The following WNK3 variants were observed in gnomAD, a reference collection of about 807,000 sequenced individuals.
WNK3 encodes the protein serine/threonine-protein kinase WNK3.
A neutral mutation model predicts 116.7 loss-of-function variants in WNK3; 18 were observed. That is an observed-to-expected ratio of 0.15 (90% CI 0.11 to 0.23). The LOEUF (loss-of-function observed/expected upper bound fraction) is 0.23, where lower values mean the gene tolerates loss of function less well. WNK3 is among the 10% of genes least tolerant of loss of function. The pLI is 1.00. For missense variants in WNK3, 993 were observed against 1,323.8 expected, an observed-to-expected ratio of 0.75 and a Z score of 3.88; for synonymous variants, 404 against 469.4, an observed-to-expected ratio of 0.86 and a Z score of 1.80.
At chrX:54,341,905 T>C (rs1040796274) in intron 1 of WNK3, among the ~76,000 whole-genome samples, 1 of 112,041 alleles carries the variant, frequency 8.9e-6, no homozygotes, top group African/African-American at 3.2e-5. Context: ...CTGAAAATCA[T>C]TGACTTTTAT....
chrX:54,213,985 AT>A (rs1265800004), intron 22 of WNK3, among the ~76,000 whole-genome samples: 1 of 109,810 alleles, frequency 9.1e-6, no homozygotes, highest in Non-Finnish European at 1.9e-5. Context: ...TGAAAAAAAA[AT>A]TTTTTTTTGA....
intron 20 of WNK3, among the ~76,000 whole-genome samples, chrX:54,233,962 G>A (rs782123411): frequency 1.9e-3 from 209 of 107,583 alleles, no homozygotes; most frequent in African/African-American, 7.1e-3. Flanking sequence ...CTGGGTGACA[G>A]AGCAAGACCT....
chrX:54,239,217 A>C (rs1603379413), intron 17 of WNK3, 118 bp from the exon 18 acceptor site: 8 of 532,879 alleles, frequency 1.5e-5, no homozygotes, highest in Middle Eastern at 6.0e-4. Context: ...AAAAAAAAAA[A>C]ACGGAATTTC....
intron 10 of WNK3, among the ~76,000 whole-genome samples, chrX:54,279,019 G>T (rs1294968563): frequency 7.2e-5 from 8 of 111,218 alleles, no homozygotes; most frequent in African/African-American, 2.6e-4. Context: ...AGTGAGCCAA[G>T]ATCGCGCCAT....
intron 10 of WNK3, among the ~76,000 whole-genome samples, chrX:54,260,203 A>C (rs1557156412): frequency 8.9e-6 from 1 of 111,976 alleles, no homozygotes; most frequent in African/African-American, 3.2e-5. Context: ...TCATCATTCT[A>C]ATCAACCCAT....
chrX:54,282,231 G>A (rs2068525163), intron 10 of WNK3, among the ~76,000 whole-genome samples: 2 of 109,317 alleles, frequency 1.8e-5, no homozygotes, highest in South Asian at 4.0e-4. Flanking sequence ...TTGTAGAGAC[G>A]AGGAGGTCTC....
At chrX:54,327,064 A>G (rs781948540) in intron 2 of WNK3, among the ~76,000 whole-genome samples, 58 of 111,893 alleles carry the variant, frequency 5.2e-4, no homozygotes, top group Non-Finnish European at 9.6e-4. Context: ...TCTTAAAAAA[A>G]TCAAGTTATG....
intron 1 of WNK3, chrX:54,343,593 A>AG (rs1326076214): frequency 9.0e-6 from 1 of 111,318 alleles, no homozygotes; most frequent in African/African-American, 3.3e-5. Context: ...GATACAGAGA[A>AG]GATTAGCACG....
At chrX:54,213,049 CTG>C (rs1326691725) in intron 22 of WNK3, among the ~76,000 whole-genome samples, 1 of 110,498 alleles carries the variant, frequency 9.0e-6, no homozygotes. Flanking sequence ...ATAACAATAA[CTG>C]TTCACTGAAG....
intron 22 of WNK3, among the ~76,000 whole-genome samples, chrX:54,222,917 TA>T (rs1189480110): frequency 8.6e-5 from 7 of 81,178 alleles, no homozygotes; most frequent in African/African-American, 3.4e-4. Flanking sequence ...ATAATAATAA[TA>T]TATATATATA....
intron 20 of WNK3, among the ~76,000 whole-genome samples, chrX:54,235,925 A>G (rs2067956022): frequency 9.0e-6 from 1 of 111,724 alleles, no homozygotes; most frequent in Non-Finnish European, 1.9e-5. Context: ...TGAAATATGC[A>G]TATTTGTTTG....
exon 24 of WNK3, chrX:54,194,801 C>T (rs1387319738): frequency 1.8e-5 from 2 of 111,633 alleles, no homozygotes; most frequent in African/African-American, 6.5e-5. Flanking sequence ...GCACTGAAAA[C>T]GAGGTAGTTA....
chrX:54,357,500 T>C (rs913360000), intron 1 of WNK3, among the ~76,000 whole-genome samples, 186 bp downstream of exon 1: 13 of 111,366 alleles, frequency 1.2e-4, no homozygotes, highest in Non-Finnish European at 2.1e-4. Flanking sequence ...CGGTACCGAC[T>C]GGTGAAGGCA....
In WNK3 at chrX:54,253,984, G is replaced by A. The variant is rs372610914; in HGVS notation, c.2342C>T (p.Ala781Val). The change falls in exon 13 of 24, where the codon GCG becomes GTG. Residue 781 changes from alanine to valine, a missense_variant. Transcript: ENST00000354646. ...CATATAGTCTGCAATATCCTCTGGCGCATCACCATCAACATCAAACTTGAA... is the reference window on the plus strand; with the variant it reads ...CATATAGTCTGCAATATCCTCTGGCACATCACCATCAACATCAAACTTGAA... 3.2e-5 allele frequency: 39 copies of A among 1,203,307 alleles called. No homozygotes were observed. Among genetic ancestry groups the A allele is most frequent in the East Asian group, 1.2e-4 (4 of 33,666 alleles).
At chrX:54,261,662 C>A (rs1406294089) in intron 10 of WNK3, among the ~76,000 whole-genome samples, 2 of 111,663 alleles carry the variant, frequency 1.8e-5, no homozygotes, top group African/African-American at 6.5e-5. Flanking sequence ...TTAATGTAAT[C>A]ATAATGTATG....
chrX:54,217,281 G>T (rs1276844969), intron 22 of WNK3, among the ~76,000 whole-genome samples: 3 of 90,697 alleles, frequency 3.3e-5, no homozygotes, highest in African/African-American at 1.3e-4. Context: ...TTGCACCACT[G>T]CACTCCAGCC....
chrX:54,267,635 A>T (rs781955773), intron 10 of WNK3, among the ~76,000 whole-genome samples: 30 of 109,693 alleles, frequency 2.7e-4, no homozygotes, highest in Non-Finnish European at 5.5e-4. Flanking sequence ...AAAATACAAA[A>T]ATTAGGCGGG....
intron 7 of WNK3, 64 bp from the exon 8 acceptor site, chrX:54,294,911 T>C: frequency 1.9e-6 from 2 of 1,030,879 alleles, no homozygotes; most frequent in Non-Finnish European, 1.3e-6. Context: ...TTTTTTTTTT[T>C]TTTTGAGACA....
chrX:54,226,308 A>G (rs1401545318), intron 22 of WNK3, among the ~76,000 whole-genome samples: 1 of 106,043 alleles, frequency 9.4e-6, no homozygotes, highest in Non-Finnish European at 1.9e-5. Flanking sequence ...TGTCTCTACT[A>G]AAAATATAAA....
Sources: gnomAD v4.1 joint callset for allele counts (sites outside exome capture counted in the v4.1 genomes callset) on GRCh38, gnomAD v4.1.1 for gene constraint, MANE v1.5 for transcripts, NCBI Gene and HGNC (gene_info 2026-07-23, HGNC 2026-07-21) for gene names.